The following CIROP variants were observed in gnomAD, a reference collection of about 807,000 sequenced individuals.
The protein encoded by CIROP is ciliated left-right organizer metallopeptidase.
chr14:23,099,705 G>A, the CIROP span: 13 of 335,284 alleles, frequency 3.9e-5, no homozygotes, highest in South Asian at 1.6e-4. Flanking sequence ...GACTACAGGC[G>A]CACGCCGCAC....
the CIROP span, chr14:23,100,474 TGAAAG>T: frequency 1.8e-4 from 76 of 413,370 alleles, 1 homozygote; most frequent in Non-Finnish European, 2.2e-4. Context: ...TCCATGGATT[TGAAAG>T]GAAAGTACTT....
At chr14:23,104,911 G>A in the CIROP span, 1 of 672,464 alleles carries the variant, frequency 1.5e-6, no homozygotes, top group Non-Finnish European at 2.7e-6. Context: ...AGCAGCAGCA[G>A]CAGCAGCATC....
the CIROP span, chr14:23,103,252 A>G: frequency 2.4e-6 from 1 of 412,356 alleles, no homozygotes; most frequent in East Asian, 3.6e-5. Flanking sequence ...GCACAACTTA[A>G]TAAAAACTGC....
chr14:23,101,543 T>C, the CIROP span: 7 of 658,818 alleles, frequency 1.1e-5, no homozygotes, highest in Middle Eastern at 2.4e-4. Context: ...GGGAATCCGT[T>C]TTCCTTCTTC....
At chr14:23,102,743 G>A in the CIROP span, 2 of 702,982 alleles carry the variant, frequency 2.8e-6, no homozygotes, top group South Asian at 3.0e-5. Flanking sequence ...CAGTAAGGGG[G>A]CCGAATTTGC....
the CIROP span, chr14:23,104,653 G>A: frequency 1.1e-5 from 8 of 702,790 alleles, no homozygotes; most frequent in East Asian, 2.7e-5. Context: ...GCCAGGGCTC[G>A]GGATCCCCCT....
the CIROP span, chr14:23,102,497 A>G: frequency 5.7e-6 from 4 of 700,228 alleles, no homozygotes; most frequent in Admixed American, 2.0e-5. Context: ...TAACTGCAGA[A>G]AGGGAAGAAG....
the CIROP span, chr14:23,101,328 C>T: frequency 1.7e-5 from 9 of 516,302 alleles, no homozygotes; most frequent in South Asian, 1.4e-4. Context: ...GGACCCAAGG[C>T]GAGCCCTCCA....
At chr14:23,104,929 T>C in the CIROP span, 2 of 685,036 alleles carry the variant, frequency 2.9e-6, no homozygotes, top group East Asian at 2.7e-5. Flanking sequence ...ATCTCCCTTC[T>C]GTGTCTCTCC....
At chr14:23,104,370 A>G in the CIROP span, 1 of 702,638 alleles carries the variant, frequency 1.4e-6, no homozygotes, top group East Asian at 2.7e-5. Flanking sequence ...TACATTGTCA[A>G]CGACGTGAAC....
the CIROP span, chr14:23,101,443 T>TC: frequency 1.7e-6 from 1 of 600,774 alleles, no homozygotes; most frequent in East Asian, 2.8e-5. Flanking sequence ...CCTGGGCTTA[T>TC]CCCCAGGGAG....
the CIROP span, chr14:23,103,935 C>CT: frequency 1.7e-6 from 1 of 603,532 alleles, no homozygotes; most frequent in African/African-American, 1.9e-5. Context: ...AGGCAGCTGG[C>CT]TAGAATAGAG....
the CIROP span, chr14:23,103,379 G>A: frequency 7.9e-5 from 30 of 380,496 alleles, 1 homozygote; most frequent in African/African-American, 5.2e-4. Context: ...ACAAAACCCC[G>A]TCTCTACAAA....
At chr14:23,103,603 C>A in the CIROP span, 1 of 564,860 alleles carries the variant, frequency 1.8e-6, no homozygotes. Context: ...TGCTTTTATG[C>A]TCCCTAACCC....
At chr14:23,104,506 T>C in the CIROP span, 1 of 702,916 alleles carries the variant, frequency 1.4e-6, no homozygotes, top group African/African-American at 1.7e-5. Context: ...TTCTCCCATA[T>C]CTTGGAATTC....
the CIROP span, chr14:23,101,327 G>T: frequency 7.8e-6 from 4 of 515,464 alleles, no homozygotes; most frequent in Admixed American, 1.4e-4. Flanking sequence ...GGGACCCAAG[G>T]CGAGCCCTCC....
At chr14:23,102,462 A>T in the CIROP span, 698,236 of 702,708 alleles carry the variant, frequency 0.99, 347,019 homozygotes, top group East Asian at 1. Context: ...CCTTGTCACT[A>T]GTTGCCTTGT....
the CIROP span, chr14:23,104,546 C>A: frequency 1.4e-6 from 1 of 701,656 alleles, no homozygotes; most frequent in South Asian, 1.5e-5. Context: ...ATCTTCCTCC[C>A]CTGGACCTCT....
At chr14:23,101,762 C>A in the CIROP span, 2 of 702,754 alleles carry the variant, frequency 2.8e-6, no homozygotes, top group Non-Finnish European at 5.2e-6. Context: ...GGCAGCCCAG[C>A]CCACTGTGTG....
Sources: gnomAD v4.1 joint callset for allele counts on GRCh38, gnomAD v4.1.1 for gene constraint, MANE v1.5 for transcripts, NCBI Gene and HGNC (gene_info 2026-07-23, HGNC 2026-07-21) for gene names.